The following MYH3 variants were observed in gnomAD, a reference collection of about 807,000 sequenced individuals.
The protein encoded by MYH3 is myosin heavy chain 3, also known as myosin-3.
MYH3 carries 130 observed loss-of-function variants against 238.0 expected under a neutral mutation model. That is an observed-to-expected ratio of 0.55 (90% CI 0.47 to 0.63). The LOEUF is 0.63. Among genes scored for constraint, MYH3 ranks in the 30% least tolerant of loss-of-function variants. The pLI is 0.00. For missense variants in MYH3, 1,853 were observed against 2,374.9 expected (o/e 0.78, Z 4.57); for synonymous variants, 880 against 924.1 (o/e 0.95, Z 0.86).
At chr17:10,647,063 A>T (rs2074328802) in intron 10 of MYH3, 119 bp downstream of exon 10, 1 of 811,458 alleles carries the variant, frequency 1.2e-6, no homozygotes, top group African/African-American at 1.8e-5. Context: ...ATAAATAAAT[A>T]AAATAAAATA....
chr17:10,652,397 C>T (rs2142425266), intron 4 of MYH3, 23 bp downstream of exon 4: 1 of 1,613,380 alleles, frequency 6.2e-7, no homozygotes, highest in Non-Finnish European at 8.5e-7. Flanking sequence ...CCCAGGGAAA[C>T]CACGTCGAAA....
At chr17:10,643,033 A>C (rs1463400190) in intron 14 of MYH3, 37 bp from the exon 15 acceptor site, 45 of 1,613,896 alleles carry the variant, frequency 2.8e-5, no homozygotes, top group Non-Finnish European at 3.6e-5. Flanking sequence ...GAAAAGTTAG[A>C]CTTCTTTCAG....
intron 31 of MYH3, 42 bp from the exon 32 acceptor site, chr17:10,634,224 C>T (rs755153098): frequency 6.2e-7 from 1 of 1,610,306 alleles, no homozygotes; most frequent in South Asian, 1.1e-5. Flanking sequence ...CTGAGCTCTC[C>T]TCTAGGTTTC....
the MYH3 span, among the ~76,000 whole-genome samples, chr17:10,666,361 C>T: frequency 4.5e-4 from 68 of 152,114 alleles, no homozygotes; most frequent in Non-Finnish European, 8.2e-4. Context: ...GGGAGAATTG[C>T]TTGAGCTCAG....
rs1319969280 is a variant in MYH3, at chr17:10,652,555, C to A, written c.213G>T (p.Val71=). Residue 71 remains valine (V), a synonymous_variant, in exon 4 of 41, where the codon GTG becomes GTT. Transcript: ENST00000583535. ...TGGCGTACACATCCTCTGGTTTGAC[C>A]ACCAGGGTCTAAAAAGGAAGAGGCA... ...TVETEDNRTL[V]VKPEDVYAMN... is the part of the protein sequence containing the mutation. 20 of 1,598,506 alleles carry A rather than the reference C, an allele frequency of 1.3e-5. No homozygotes were observed. Among genetic ancestry groups the A allele is most frequent in the Non-Finnish European group, 1.5e-5 (17 of 1,170,238 alleles).
chr17:10,670,494 G>T, the MYH3 span, among the ~76,000 whole-genome samples: 2 of 152,098 alleles, frequency 1.3e-5, no homozygotes, highest in African/African-American at 4.8e-5. This position sits in a 1 kb window ranked among gnomAD's most constrained non-coding sequence, Gnocchi z 7.0. Context: ...GCTTGTTTGA[G>T]ATGGGGGTCT....
chr17:10,664,982 G>C, the MYH3 span, among the ~76,000 whole-genome samples: 1 of 152,170 alleles, frequency 6.6e-6, no homozygotes. Flanking sequence ...ATCAGGCATG[G>C]AAGGGAAAGA....
At chr17:10,644,987 G>A (rs115238245) in intron 12 of MYH3, among the ~76,000 whole-genome samples, 407 of 152,148 alleles carry the variant, frequency 2.7e-3, no homozygotes, top group African/African-American at 8.9e-3. Context: ...TATGGGCATC[G>A]GAGGCCCAGA....
At chr17:10,668,351 C>T in the MYH3 span, among the ~76,000 whole-genome samples, 2 of 152,216 alleles carry the variant, frequency 1.3e-5, no homozygotes, top group African/African-American at 2.4e-5. Context: ...GCCGAGATCA[C>T]ACCACTGTAC....
Position 10,629,948 on chromosome 17 carries a change from G to A in MYH3, c.5563-11C>T. ...CCTGTCCTCTTCACTCTAAGAATGAGAAAGTGGGAATGTCACTGGAGAGGA... is the reference window on the plus strand; with the variant it reads ...CCTGTCCTCTTCACTCTAAGAATGAAAAAGTGGGAATGTCACTGGAGAGGA... On this transcript the variant is annotated splice_polypyrimidine_tract_variant and intron_variant, in intron 38 of 40. Transcript: ENST00000583535. 1 of 1,614,000 alleles carries A rather than the reference G, an allele frequency of 6.2e-7. No individual in the cohort carries two copies. Among genetic ancestry groups the A allele is most frequent in the Non-Finnish European group, 8.5e-7 (1 of 1,179,840 alleles).
chr17:10,641,015 C>T, intron 19 of MYH3, 70 bp downstream of exon 19: 1 of 1,235,004 alleles, frequency 8.1e-7, no homozygotes, highest in East Asian at 2.3e-5. Flanking sequence ...TCATACGAAT[C>T]TTTCTCCCTC....
chr17:10,628,668 G>C lies in MYH3; in HGVS notation c.5808C>G (p.His1936Gln). The C allele has an allele frequency of 6.2e-7, 1 of 1,614,138 alleles. No homozygotes were observed. The highest frequency in any genetic ancestry group is 8.5e-7 in the Non-Finnish European group (1 of 1,180,006). The stretch of plus-strand genomic sequence containing the variant: ...AAGGGCTGGCTCACTCTTCACTCTC[G>C]TGGACCACCATCTAGGAAGAAAGTA... ...RDFTSSRMVV[H>Q]ESEE Residue 1936 changes from histidine to glutamine, a missense_variant, in exon 41 of 41, where the codon CAC becomes CAG. Physicochemically the swap from His to Gln is conservative, Grantham distance 24 (BLOSUM62 0). Around this residue, in one of 3 missense-constraint regions of MYH3, gnomAD observed 1,044 missense variants for 1,192.6 expected, o/e 0.88. Coordinates refer to ENST00000583535, the MANE Select transcript of MYH3 (RefSeq NM_002470.4).
At chr17:10,651,238 G>A (rs1482734601) in intron 5 of MYH3, among the ~76,000 whole-genome samples, 1 of 149,434 alleles carries the variant, frequency 6.7e-6, no homozygotes, top group Admixed American at 6.7e-5. Flanking sequence ...TGCTGTATTA[G>A]GCTGAACTAT....
chr17:10,632,115 TG>T lies in MYH3; in HGVS notation c.4957-100del, dbSNP rs869308464. The T allele has an allele frequency of 4.8e-3, 641 of 133,274 alleles. 4 individuals carry two copies. The highest frequency in any genetic ancestry group is 0.027 in the African/African-American group (473 of 17,718). The allele number at this position is 133,274 out of a possible 1,614,324, so 8.3% of individuals were successfully genotyped here. ...TTTTGTTTGTTTGTTTGTTTGTTTT[TG>T]TTTTGTTTTGTTTTGTTTGTTTTGA... On this transcript the variant is annotated intron_variant, in intron 34 of 40. Transcript: ENST00000583535.
rs779028641 is a variant in MYH3, at chr17:10,645,771, G to C, written c.1077C>G (p.His359Gln). ...TCTGCTTGAACTTCATGTTCCCGTA[G>C]TGCATCACGGCTCCCGTCAGCTTGT... ...GLYKLTGAVM[H>Q]YGNMKFKQKQ... Residue 359 changes from histidine to glutamine, a missense_variant, in exon 12 of 41, where the codon CAC (histidine) becomes CAG (glutamine). By Grantham distance (24) the His-to-Gln change is conservative. Around this residue, in one of 3 missense-constraint regions of MYH3, gnomAD observed 678 missense variants for 1,058.9 expected, o/e 0.64. Coordinates refer to ENST00000583535, the MANE Select transcript of MYH3 (RefSeq NM_002470.4). The C allele has an allele frequency of 1.3e-5, 21 of 1,613,738 alleles. No individual in the cohort carries two copies. In the African/African-American group the frequency reaches 2.5e-4, roughly 20 times the overall value.
intron 14 of MYH3, among the ~76,000 whole-genome samples, 158 bp downstream of exon 14, chr17:10,644,193 C>T (rs550298769): frequency 1.1e-4 from 17 of 151,894 alleles, no homozygotes; most frequent in Non-Finnish European, 2.4e-4. Flanking sequence ...TAATACAAAC[C>T]CTTCCAATAA....
chr17:10,635,111 T>G, intron 30 of MYH3, 88 bp from the exon 31 acceptor site: 2 of 1,432,986 alleles, frequency 1.4e-6, no homozygotes, highest in Non-Finnish European at 2.0e-6. Flanking sequence ...CACTAATCTA[T>G]GTGATTCAGA....
At chr17:10,656,875 A>G (rs978130978) in intron 1 of MYH3, among the ~76,000 whole-genome samples, 11 of 152,174 alleles carry the variant, frequency 7.2e-5, no homozygotes, top group Non-Finnish European at 1.3e-4. Flanking sequence ...TGGCAGATGT[A>G]CAGCCCAGGT....
chr17:10,641,810 G>C (rs1041577003), intron 17 of MYH3, among the ~76,000 whole-genome samples: 3 of 152,150 alleles, frequency 2.0e-5, no homozygotes, highest in Admixed American at 1.3e-4. Context: ...CACTGTGCCC[G>C]GCCTAACTCA....
Sources: allele counts gnomAD v4.1 joint callset (sites outside exome capture counted in the v4.1 genomes callset), GRCh38; gene constraint gnomAD v4.1.1; regional missense constraint gnomAD v4.1.1; non-coding constraint Gnocchi (gnomAD v3.1); transcripts MANE v1.5; gene names NCBI Gene and HGNC (gene_info 2026-07-23, HGNC 2026-07-21).